The following AFAP1 variants were observed in gnomAD, a reference collection of about 807,000 sequenced individuals.
The protein encoded by AFAP1 is actin filament-associated protein 1.
In AFAP1, 75 loss-of-function variants were observed where a neutral mutation model predicts 93.9. The ratio of observed to expected loss-of-function variants is 0.80; its 90% CI spans 0.66 to 0.97. The LOEUF (loss-of-function observed/expected upper bound fraction) is 0.97. Among genes scored for constraint, AFAP1 ranks in the 50% least tolerant of loss-of-function variants. AFAP1 has a pLI of 0.00. For missense variants in AFAP1, 1,201 were observed against 1,050.8 expected, an observed-to-expected ratio of 1.14 and a Z score of -1.98; for synonymous variants, 517 against 430.7, an observed-to-expected ratio of 1.20 and a Z score of -2.48.
At chr4:7,874,620 T>A (rs1330136205) in intron 1 of AFAP1, among the ~76,000 whole-genome samples, 7 of 141,820 alleles carry the variant, frequency 4.9e-5, no homozygotes, top group Admixed American at 2.2e-4. Context: ...CCTGACCTCA[T>A]GATCTGCCCA....
Position 7,779,015 on chromosome 4 carries a change from A to T in AFAP1, c.1783-139T>A. On this transcript the variant is annotated intron_variant, in intron 13 of 17. Transcript: ENST00000420658. ...ATAGATGGAGGAAAAATCGAAAGTG[A>T]AAGAAAACCAAGATGGTTTCCAAAC... The T allele has an allele frequency of 9.1e-6, 6 of 656,162 alleles. No individual in the cohort carries two copies. In the South Asian group the frequency reaches 1.2e-4, roughly 13 times the overall value. The allele number at this position is 656,162 out of a possible 1,614,324, so 40.6% of individuals were successfully genotyped here. A position where few individuals can be genotyped will look rare whatever the true frequency, so the allele number is the denominator to read the frequency against.
At chr4:7,919,116 C>T (rs1379862436) in intron 1 of AFAP1, among the ~76,000 whole-genome samples, 1 of 151,802 alleles carries the variant, frequency 6.6e-6, no homozygotes, top group African/African-American at 2.4e-5. Context: ...GCCCAGATCA[C>T]TAGAAAAACA....
intron 1 of AFAP1, among the ~76,000 whole-genome samples, chr4:7,893,954 C>A (rs1020096683): frequency 6.6e-6 from 1 of 152,184 alleles, no homozygotes; most frequent in African/African-American, 2.4e-5. Flanking sequence ...ACAGCCTCAG[C>A]GAGCCCTGGA....
At chr4:7,788,606 G>A (rs776379477) in intron 11 of AFAP1, 3 of 152,184 alleles carry the variant, frequency 2.0e-5, no homozygotes, top group Non-Finnish European at 4.4e-5. Context: ...AAGAAGGAAA[G>A]GCACAGCAAA....
intron 5 of AFAP1, among the ~76,000 whole-genome samples, chr4:7,841,604 G>T (rs1713025602): frequency 6.6e-6 from 1 of 152,220 alleles, no homozygotes; most frequent in African/African-American, 2.4e-5. Context: ...TTTAAACTTG[G>T]AAAGTATTTG....
intron 1 of AFAP1, among the ~76,000 whole-genome samples, chr4:7,874,076 A>G (rs901273753): frequency 6.6e-6 from 1 of 152,228 alleles, no homozygotes; most frequent in Non-Finnish European, 1.5e-5. Context: ...GCCTAATGTC[A>G]TATGTTGACA....
In AFAP1 at chr4:7,809,631, T is replaced by A. The variant is rs772409039; in HGVS notation, c.1037A>T (p.Glu346Val). Reference sequence around the variant, plus strand: ...AGTCTTACCGCAGGTGGGAACATCTTCCTCAGCTGAGGAGGTCTGCTCGTC... The same window carrying A: ...AGTCTTACCGCAGGTGGGAACATCTACCTCAGCTGAGGAGGTCTGCTCGTC... ...STDEQTSSAEEDVPTCGYLNV... is the reference protein window; with the variant it reads ...STDEQTSSAEVDVPTCGYLNV... Residue 346 changes from glutamate to valine, a missense_variant, in exon 9 of 18, where the codon GAA becomes GTA. Glu to Val is a moderately radical substitution (Grantham distance 121). Transcript: ENST00000420658. 1.2e-6 allele frequency: 2 copies of A among 1,612,954 alleles called. No individual in the cohort carries two copies. The highest frequency in any genetic ancestry group is 1.7e-6 in the Non-Finnish European group (2 of 1,179,746).
At chr4:7,924,194 G>T (rs1231775740) in intron 1 of AFAP1, among the ~76,000 whole-genome samples, 2 of 152,178 alleles carry the variant, frequency 1.3e-5, no homozygotes, top group Admixed American at 6.5e-5. Context: ...AAGCTGGAAC[G>T]TTTCCCTGTA....
intron 3 of AFAP1, among the ~76,000 whole-genome samples, 196 bp downstream of exon 3, chr4:7,868,425 AG>A (rs1487007073): frequency 6.6e-6 from 1 of 152,140 alleles, no homozygotes; most frequent in Non-Finnish European, 1.5e-5. Context: ...TAGCTTCCTA[AG>A]GGGAGGCTAC....
intron 16 of AFAP1, among the ~76,000 whole-genome samples, chr4:7,771,742 G>T (rs1715468668): frequency 6.6e-6 from 1 of 152,188 alleles, no homozygotes; most frequent in Admixed American, 6.5e-5. Flanking sequence ...ATGAGTGGCT[G>T]GGTTTGTGGT....
At chr4:7,878,597 T>C (rs1717660745) in intron 1 of AFAP1, among the ~76,000 whole-genome samples, 1 of 152,232 alleles carries the variant, frequency 6.6e-6, no homozygotes, top group South Asian at 2.1e-4. Flanking sequence ...GAAAGTACCG[T>C]GGTCTCTGAA....
chr4:7,921,155 T>G (rs564862080), intron 1 of AFAP1, among the ~76,000 whole-genome samples: 153 of 150,300 alleles, frequency 1.0e-3, no homozygotes, highest in Non-Finnish European at 1.8e-3. Context: ...AGCTTCAGTT[T>G]CCTACCCTAT....
chr4:7,895,278 G>A lies in AFAP1; in HGVS notation c.-2-23198C>T, dbSNP rs371467510. On this transcript the variant is annotated intron_variant, in intron 1 of 17. Transcript: ENST00000420658. The stretch of plus-strand genomic sequence containing the variant: ...AAACGAGGATCATCAGAGGCTTGTC[G>A]GTCAGTTCTTTAAATGTCATTATGT... Among the ~76,000 whole-genome samples the A allele has an allele frequency of 1.4e-4, 22 of 152,260 alleles. No individual in the cohort carries two copies. In the East Asian group the frequency reaches 3.3e-3, roughly 23 times the overall value.
chr4:7,936,225 C>T (rs956055363), intron 1 of AFAP1, among the ~76,000 whole-genome samples: 3 of 152,228 alleles, frequency 2.0e-5, no homozygotes, highest in Non-Finnish European at 2.9e-5. Flanking sequence ...CTCCTTTCTA[C>T]AGAGACACGT....
chr4:7,774,347 T>C (rs1045545856), intron 15 of AFAP1: 18 of 191,230 alleles, frequency 9.4e-5, no homozygotes, highest in Admixed American at 3.9e-4. Context: ...CTGACCCCTG[T>C]GGGCTACCCT....
At chr4:7,931,730 G>A (rs1425490097) in intron 1 of AFAP1, among the ~76,000 whole-genome samples, 2 of 152,198 alleles carry the variant, frequency 1.3e-5, no homozygotes, top group Non-Finnish European at 2.9e-5. Flanking sequence ...CTTTGAAAAT[G>A]TATGGAGAGC....
intron 3 of AFAP1, among the ~76,000 whole-genome samples, chr4:7,856,934 AT>A (rs1363146371): frequency 6.6e-6 from 1 of 152,168 alleles, no homozygotes; most frequent in Non-Finnish European, 1.5e-5. Context: ...ATTACCTTAT[AT>A]TTTACAGATA....
chr4:7,868,826 T>G (rs1238658286), intron 2 of AFAP1, 107 bp from the exon 3 acceptor site: 2 of 938,388 alleles, frequency 2.1e-6, no homozygotes, highest in African/African-American at 3.3e-5. Context: ...TTGCAAATAT[T>G]TATTTTCTCT....
chr4:7,825,132 G>T (rs1721306952), intron 6 of AFAP1, among the ~76,000 whole-genome samples: 1 of 152,086 alleles, frequency 6.6e-6, no homozygotes, highest in Non-Finnish European at 1.5e-5. Context: ...TTTATATCAT[G>T]ATTTCATTCT....
Sources: allele counts gnomAD v4.1 joint callset (sites outside exome capture counted in the v4.1 genomes callset), GRCh38; gene constraint gnomAD v4.1.1; transcripts MANE v1.5; gene names NCBI Gene and HGNC (gene_info 2026-07-23, HGNC 2026-07-21).